Variants in MYH14 observed in about 807,000 individuals in gnomAD.
MYH14 encodes the protein myosin heavy chain 14.
A neutral mutation model predicts 255.5 loss-of-function variants in MYH14; 123 were observed. The observed-to-expected ratio is 0.48, with a 90% confidence interval of 0.42 to 0.56. The LOEUF (loss-of-function observed/expected upper bound fraction) is 0.56, where lower values mean the gene tolerates loss of function less well. Among genes scored for constraint, MYH14 ranks in the 20% least tolerant of loss-of-function variants. MYH14 has a pLI of 0.00. For missense variants in MYH14, 2,423 were observed against 2,802.3 expected (o/e 0.86, Z 3.06); for synonymous variants, 1,095 against 1,161.2 (o/e 0.94, Z 1.16).
At chr19:50,242,771 C>T (rs1158386839) in intron 10 of MYH14, among the ~76,000 whole-genome samples, 1 of 152,088 alleles carries the variant, frequency 6.6e-6, no homozygotes, top group Non-Finnish European at 1.5e-5. Flanking sequence ...TACGGTCCTG[C>T]GTAGAATGGA....
At chr19:50,268,700 C>A (rs374053502) in intron 24 of MYH14, among the ~76,000 whole-genome samples, 1 of 151,054 alleles carries the variant, frequency 6.6e-6, no homozygotes, top group African/African-American at 2.4e-5. Context: ...TGGATCCAGG[C>A]GCCTAAGTGA....
At position 50,252,530 on chromosome 19, in the gene MYH14, T is replaced by C. The variant is rs910941352; in HGVS notation, c.1831-109T>C. The C allele has an allele frequency of 3.9e-6, 3 of 763,462 alleles. No homozygotes were observed. The highest frequency in any genetic ancestry group is 6.9e-6 in the Non-Finnish European group (3 of 436,700). The allele number at this position is 763,462 out of a possible 1,614,324, so 47.3% of individuals were successfully genotyped here. A position where few individuals can be genotyped will look rare whatever the true frequency, so the allele number is the denominator to read the frequency against. ...GGTGGCACCAGTGCTCGCTTGTCCA[T>C]GGTGAGCTCCAGACCTGGGAGTCTC... On this transcript the variant is annotated intron_variant, in intron 15 of 42. Coordinates refer to ENST00000642316, the MANE Select transcript of MYH14 (RefSeq NM_001145809.2). This position sits in a 1 kb window ranked among gnomAD's most constrained non-coding sequence, Gnocchi z 4.2.
intron 36 of MYH14, among the ~76,000 whole-genome samples, chr19:50,291,963 G>A (rs2036090077): frequency 6.6e-6 from 1 of 152,144 alleles, no homozygotes; most frequent in Non-Finnish European, 1.5e-5. Context: ...CAAGGATATG[G>A]CCAAGTTGTA....
chr19:50,266,775 G>C lies in MYH14; in HGVS notation c.2695-102G>C. 1 of 1,469,732 alleles carries C rather than the reference G, an allele frequency of 6.8e-7. No homozygotes were observed. The highest frequency in any genetic ancestry group is 1.3e-5 in the South Asian group (1 of 79,828). 91.0% of individuals were successfully genotyped at this position (1,469,732 alleles called of 1,614,324 possible). On this transcript the variant is annotated intron_variant, in intron 22 of 42. Transcript: ENST00000642316. This position sits in a 1 kb window ranked among gnomAD's most constrained non-coding sequence, Gnocchi z 4.1. Reference sequence around the variant, plus strand: ...CCAAGGCGGGGACACACAGCTAATAGGTGGAGGAGAAGGGATTTGAACCCA... The same window carrying C: ...CCAAGGCGGGGACACACAGCTAATACGTGGAGGAGAAGGGATTTGAACCCA...
At position 50,232,037 on chromosome 19, in the gene MYH14, C is replaced by T. The variant is rs1180983594; in HGVS notation, c.1081C>T (p.Arg361Trp). Reference sequence around the variant, plus strand: ...CTTCCAGGAGACGCTGGAGTCGCTGCGGGTCCTGGGATTCAGCCACGAGGA... The same window carrying T: ...CTTCCAGGAGACGCTGGAGTCGCTGTGGGTCCTGGGATTCAGCCACGAGGA... ...ELFQETLESL[R>W]VLGFSHEEII... The change falls in exon 10 of 43, where the codon CGG becomes TGG. Residue 361 changes from arginine (R) to tryptophan (W), a missense_variant. Arg to Trp is a moderately radical substitution (Grantham distance 101). Transcript: ENST00000642316. 3 of 1,613,118 alleles carry T rather than the reference C, an allele frequency of 1.9e-6. No homozygotes were observed. The highest frequency in any genetic ancestry group is 2.5e-6 in the Non-Finnish European group (3 of 1,179,900).
intron 10 of MYH14, among the ~76,000 whole-genome samples, chr19:50,237,829 AGT>A (rs1199335644): frequency 6.6e-6 from 1 of 152,158 alleles, no homozygotes; most frequent in Non-Finnish European, 1.5e-5. Flanking sequence ...GCTTACAAGG[AGT>A]GGAGTTAGTC....
intron 1 of MYH14, among the ~76,000 whole-genome samples, chr19:50,206,898 G>A (rs2031788149): frequency 6.6e-6 from 1 of 151,770 alleles, no homozygotes. Flanking sequence ...GTGGGGCAGT[G>A]ATGGGGACAT....
rs2036201290 is a variant in MYH14 at position 50,294,650 on chromosome 19, G to A, written c.5469+963G>A. On this transcript the variant is annotated intron_variant, in intron 39 of 42. Transcript: ENST00000642316. ...AGGCTGAGGAGGGAGGATCGCTTCAGCCTGGGAGATTGAGGCTGCAGTGAG... is the reference window on the plus strand; with the variant it reads ...AGGCTGAGGAGGGAGGATCGCTTCAACCTGGGAGATTGAGGCTGCAGTGAG... 1.3e-5 allele frequency among the ~76,000 whole-genome samples: 2 copies of A among 151,498 alleles called. 1 individual carries two copies. Among genetic ancestry groups the A allele is most frequent in the Non-Finnish European group, 2.9e-5 (2 of 67,872 alleles).
chr19:50,263,247 C>A, intron 21 of MYH14, 65 bp from the exon 22 acceptor site: 2 of 1,000,814 alleles, frequency 2.0e-6, no homozygotes, highest in South Asian at 2.0e-5. Context: ...AGGAGCTTGG[C>A]TCTCTTGCTA....
intron 10 of MYH14, among the ~76,000 whole-genome samples, chr19:50,240,540 A>G (rs2123271053): frequency 6.6e-6 from 1 of 152,266 alleles, no homozygotes; most frequent in Non-Finnish European, 1.5e-5. Flanking sequence ...TGATCACACC[A>G]CACCACTGCA....
rs758210130 is a variant in MYH14, at chr19:50,293,711, C to T, written c.5469+24C>T. On this transcript the variant is annotated intron_variant, in intron 39 of 42. Coordinates refer to ENST00000642316, the MANE Select transcript of MYH14 (RefSeq NM_001145809.2). This position sits in a 1 kb window ranked among gnomAD's most constrained non-coding sequence, Gnocchi z 4.1. ...AGGTGAGCGTGATTGACCGCCCCCA[C>T]CAGCCTCAGTCCCCATTGACCTGGG... The T allele has an allele frequency of 1.3e-6, 2 of 1,538,438 alleles. No homozygotes were observed. Among genetic ancestry groups the T allele is most frequent in the South Asian group, 2.5e-5 (2 of 78,526 alleles).
intron 10 of MYH14, among the ~76,000 whole-genome samples, chr19:50,237,638 T>C (rs2033719209): frequency 1.3e-5 from 2 of 152,172 alleles, no homozygotes. Context: ...ATGAGCATTT[T>C]TTAAATTGCA....
chr19:50,225,458 C>G, intron 6 of MYH14, 127 bp from the exon 7 acceptor site: 1 of 679,206 alleles, frequency 1.5e-6, no homozygotes, highest in Non-Finnish European at 2.6e-6. Context: ...AGTGGGTACA[C>G]GCCCAGACAC....
chr19:50,210,781 T>G lies in MYH14; in HGVS notation c.405+11T>G. On this transcript the variant is annotated intron_variant, in intron 2 of 42. Coordinates refer to ENST00000642316, the MANE Select transcript of MYH14 (RefSeq NM_001145809.2). ...TCCGGCCTCATCTACGTGAGTGGGCTCCTGCTGGGGGGCGCGTGCGGCGGA... is the reference window on the plus strand; with the variant it reads ...TCCGGCCTCATCTACGTGAGTGGGCGCCTGCTGGGGGGCGCGTGCGGCGGA... 6.4e-7 allele frequency: 1 copy of G among 1,559,054 alleles called. No individual in the cohort carries two copies. Among genetic ancestry groups the G allele is most frequent in the East Asian group, 2.4e-5 (1 of 41,512 alleles).
Position 50,224,191 on chromosome 19 carries a change from G to A in MYH14, c.717+14G>A. On this transcript the variant is annotated intron_variant, in intron 6 of 42. Coordinates refer to ENST00000642316, the MANE Select transcript of MYH14 (RefSeq NM_001145809.2). ...ACCGTGTCTTATGTGAGTAGCAGGG[G>A]ATCACCTCGAGTCTTGCTGCCCCTA... is the stretch of plus-strand genomic sequence containing the variant. The A allele has an allele frequency of 1.2e-6, 2 of 1,613,874 alleles. No homozygotes were observed. Among genetic ancestry groups the A allele is most frequent in the Non-Finnish European group, 1.7e-6 (2 of 1,179,864 alleles).
At position 50,261,526 on chromosome 19, in the gene MYH14, A is replaced by G. The variant is rs1016453360; in HGVS notation, c.2476A>G (p.Ile826Val). The G allele has an allele frequency of 1.3e-6, 2 of 1,588,266 alleles. No individual in the cohort carries two copies. The highest frequency in any genetic ancestry group is 2.9e-5 in the African/African-American group (2 of 68,606). The change falls in exon 21 of 43, where the codon ATC becomes GTC. Residue 826 changes from isoleucine (I) to valine (V), a missense_variant. Around this residue, in one of 3 missense-constraint regions of MYH14, gnomAD observed 1,513 missense variants for 1,674.8 expected, o/e 0.90. Transcript: ENST00000642316. ...CCTCTACCGCGTGGGACAGAGCAAGATCTTCTTCCGGGCTGGGGTCCTGGC... is the reference window on the plus strand; with the variant it reads ...CCTCTACCGCGTGGGACAGAGCAAGGTCTTCTTCCGGGCTGGGGTCCTGGC... The part of the protein sequence containing the change: ...PNLYRVGQSK[I>V]FFRAGVLAQL...
In MYH14 at chr19:50,276,085, G is replaced by A. The variant is rs200299854; in HGVS notation, c.3562G>A (p.Glu1188Lys). Residue 1188 changes from glutamate (E) to lysine (K), a missense_variant, in exon 28 of 43, where the codon GAG becomes AAG. Physicochemically the swap from Glu to Lys is moderately conservative, Grantham distance 56. Coordinates refer to ENST00000642316, the MANE Select transcript of MYH14 (RefSeq NM_001145809.2). The surrounding 1 kb of genome is among the most constrained non-coding windows in gnomAD (Gnocchi z 4.3). ...LAEAQEDLESERVARTKAEKQ... is the reference protein window; with the variant it reads ...LAEAQEDLESKRVARTKAEKQ... ...CGAGGCCCAGGAGGACCTGGAGTCT[G>A]AGCGTGTGGCCAGGACCAAGGCGGA... is the stretch of plus-strand genomic sequence containing the variant. 1.2e-6 allele frequency: 2 copies of A among 1,610,650 alleles called. No individual in the cohort carries two copies. Among genetic ancestry groups the A allele is most frequent in the African/African-American group, 1.3e-5 (1 of 74,896 alleles).
At position 50,252,218 on chromosome 19, in the gene MYH14, ATCGTGAC is replaced by A. The variant is rs148914292; in HGVS notation, c.1831-418_1831-412del. Among the ~76,000 whole-genome samples the A allele has an allele frequency of 2.3e-3, 350 of 152,214 alleles. 2 individuals carry two copies. Among genetic ancestry groups the A allele is most frequent in the African/African-American group, 8.1e-3 (337 of 41,534 alleles). ...TATGCAGAGAATTGTAGCGGCCAAG[ATCGTGAC>A]TCTATGGAGCCCCACAGCAAAGCCC... is the stretch of plus-strand genomic sequence containing the variant. On this transcript the variant is annotated intron_variant, in intron 15 of 42. Coordinates refer to ENST00000642316, the MANE Select transcript of MYH14 (RefSeq NM_001145809.2). This position sits in a 1 kb window ranked among gnomAD's most constrained non-coding sequence, Gnocchi z 4.2.
At chr19:50,242,638 T>C (rs749206017) in intron 10 of MYH14, among the ~76,000 whole-genome samples, 3 of 152,104 alleles carry the variant, frequency 2.0e-5, no homozygotes, top group Admixed American at 6.5e-5. Context: ...CCAAACCATA[T>C]CAATTTCGAT....
Sources: gnomAD v4.1 joint callset for allele counts (sites outside exome capture counted in the v4.1 genomes callset) on GRCh38, gnomAD v4.1.1 for gene constraint, gnomAD v4.1.1 regional missense constraint, Gnocchi (gnomAD v3.1) non-coding constraint, MANE v1.5 for transcripts, NCBI Gene and HGNC (gene_info 2026-07-23, HGNC 2026-07-21) for gene names.